The following CCDC187 variants were observed in gnomAD, a reference collection of about 807,000 sequenced individuals.
The protein encoded by CCDC187 is coiled-coil domain-containing protein 187.
CCDC187 carries 32 observed loss-of-function variants against 38.0 expected under a neutral mutation model. The observed-to-expected ratio is 0.84, with a 90% CI of 0.64 to 1.13. The LOEUF (loss-of-function observed/expected upper bound fraction) is 1.13. Ranked by LOEUF, CCDC187 falls within the 50% of genes most tolerant of loss-of-function variation. The pLI is 0.00. For missense variants in CCDC187, 707 were observed against 786.8 expected (o/e 0.90, Z 1.21); for synonymous variants, 333 against 347.9 (o/e 0.96, Z 0.48).
rs1554759595 is a variant in CCDC187 at position 136,252,240 on chromosome 9, CCCGGGA to C, written c.*1348_*1353del. On this transcript the variant is annotated 3_prime_UTR_variant, in exon 26 of 26. Transcript: ENST00000638797. The stretch of plus-strand genomic sequence containing the variant: ...AGAGCCGGCCGCCCACCCAGTCCAC[CCCGGGA>C]AGGTCCAGGCGACCGTCCTGCGGAG... The C allele has an allele frequency of 7.3e-6, 1 of 137,680 alleles. No homozygotes were observed. Among genetic ancestry groups the C allele is most frequent in the African/African-American group, 2.8e-5 (1 of 36,346 alleles). The allele number at this position is 137,680 out of a possible 1,614,324, so 8.5% of individuals were successfully genotyped here. A position where few individuals can be genotyped will look rare whatever the true frequency, so the allele number is the denominator to read the frequency against.
Position 136,254,892 on chromosome 9 carries a change from A to T in CCDC187, c.4936T>A (p.Ser1646Thr). 2.0e-6 allele frequency: 2 copies of T among 985,484 alleles called. No individual in the cohort carries two copies. The highest frequency in any genetic ancestry group is 2.4e-6 in the Non-Finnish European group (2 of 829,962). 61.0% of individuals were successfully genotyped at this position (985,484 alleles called of 1,614,324 possible). A position where few individuals can be genotyped will look rare whatever the true frequency, so the allele number is the denominator to read the frequency against. ...GCTTCCAAGCTGGGAAGAGAGCTGG[A>T]GCTCCCAGAAAGCTGGATCAGGGTA... ...AATLIQLSGSSSSLPSLEAED... is the reference protein window; with the variant it reads ...AATLIQLSGSTSSLPSLEAED... Residue 1646 changes from serine (S) to threonine (T), a missense_variant, in exon 26 of 26, where the codon TCC becomes ACC. By Grantham distance (58) the Ser-to-Thr change is moderately conservative. Coordinates refer to ENST00000638797, the MANE Select transcript of CCDC187 (RefSeq NM_001378188.1).
chr9:136,292,710 G>A (rs1295760319), intron 4 of CCDC187, among the ~76,000 whole-genome samples: 8 of 152,264 alleles, frequency 5.3e-5, no homozygotes, highest in Admixed American at 2.0e-4. Flanking sequence ...CCCACCCTCC[G>A]CTCCGTGCTG....
At chr9:136,259,304 G>C in intron 21 of CCDC187, 59 bp downstream of exon 21, 2 of 711,144 alleles carry the variant, frequency 2.8e-6, no homozygotes, top group Non-Finnish European at 3.4e-6. Flanking sequence ...GAATGTTGGG[G>C]GGGGGTGGTC....
chr9:136,299,460 G>C (rs1224031491), intron 3 of CCDC187, among the ~76,000 whole-genome samples: 3 of 152,178 alleles, frequency 2.0e-5, no homozygotes, highest in Non-Finnish European at 2.9e-5. Flanking sequence ...CCGCTCCCAA[G>C]CTCCCCATCC....
At chr9:136,273,449 G>C (rs531425285) in intron 14 of CCDC187, among the ~76,000 whole-genome samples, 2 of 152,188 alleles carry the variant, frequency 1.3e-5, no homozygotes, top group African/African-American at 4.8e-5. Context: ...TGATAGAGGG[G>C]TGAGTTCATC....
At chr9:136,285,011 G>T (rs1831140649) in intron 9 of CCDC187, among the ~76,000 whole-genome samples, 1 of 152,084 alleles carries the variant, frequency 6.6e-6, no homozygotes, top group Non-Finnish European at 1.5e-5. Context: ...GGGCCTGGGG[G>T]CGCGGGACAG....
Position 136,252,382 on chromosome 9 carries a change from G to A in CCDC187, c.*1212C>T, listed in dbSNP as rs1269307326. The stretch of plus-strand genomic sequence containing the variant: ...CCGGCCGCCCACCCCGTCCACCAGG[G>A]GAAGGTCCAGGCAACCGTCCCGCAC... On this transcript the variant is annotated 3_prime_UTR_variant, in exon 26 of 26. Transcript: ENST00000638797. 1 of 190,656 alleles carries A rather than the reference G, an allele frequency of 5.2e-6. No homozygotes were observed. The highest frequency in any genetic ancestry group is 1.1e-5 in the Non-Finnish European group (1 of 90,766). 11.8% of individuals were successfully genotyped at this position (190,656 alleles called of 1,614,324 possible).
Position 136,264,910 on chromosome 9 carries a change from C to T in CCDC187, c.3735+1046G>A, listed in dbSNP as rs1395865022. Among the ~76,000 whole-genome samples the T allele has an allele frequency of 6.6e-6, 1 of 152,154 alleles. No individual in the cohort carries two copies. The highest frequency in any genetic ancestry group is 6.5e-5 in the Admixed American group (1 of 15,282). ...AGCTGGGACTATAGGCATTGGCCAC[C>T]TATAGTGGCAGATTTATTTTTTGTA... is the stretch of plus-strand genomic sequence containing the variant. On this transcript the variant is annotated intron_variant, in intron 17 of 25. Transcript: ENST00000638797. The surrounding 1 kb of genome is among the most constrained non-coding windows in gnomAD (Gnocchi z 4.3).
At chr9:136,294,796 C>A (rs1239070497) in intron 4 of CCDC187, among the ~76,000 whole-genome samples, 1 of 152,302 alleles carries the variant, frequency 6.6e-6, no homozygotes, top group East Asian at 1.9e-4. Flanking sequence ...AGGACAGGAC[C>A]CCAGGCCATG....
At chr9:136,298,099 C>T (rs1336262839) in intron 3 of CCDC187, among the ~76,000 whole-genome samples, 4 of 152,242 alleles carry the variant, frequency 2.6e-5, no homozygotes, top group Non-Finnish European at 4.4e-5. Flanking sequence ...AATTCCCTCC[C>T]GAGTGTCTGG....
At chr9:136,289,299 C>T (rs944124723) in intron 7 of CCDC187, among the ~76,000 whole-genome samples, 14 of 152,174 alleles carry the variant, frequency 9.2e-5, no homozygotes, top group Admixed American at 9.2e-4. Flanking sequence ...AGGTGGATCA[C>T]CTGAGGTTGG....
Position 136,291,182 on chromosome 9 carries a change from C to T in CCDC187, c.1431G>A (p.Glu477=), listed in dbSNP as rs1831319567. The T allele has an allele frequency of 2.5e-6, 1 of 398,580 alleles. No individual in the cohort carries two copies. Among genetic ancestry groups the T allele is most frequent in the African/African-American group, 2.1e-5 (1 of 48,636 alleles). The allele number at this position is 398,580 out of a possible 1,614,324, so 24.7% of individuals were successfully genotyped here. ...QGQDRSFQRP[E]SPHERLGHFS... is the part of the protein sequence containing the mutation. ...AGTGGCCCAACCTCTCATGGGGACT[C>T]TCCGGCCTCTGGAAGGAGCGGTCCT... Residue 477 remains glutamate, a synonymous_variant, in exon 6 of 26, where the codon GAG becomes GAA. Coordinates refer to ENST00000638797, the MANE Select transcript of CCDC187 (RefSeq NM_001378188.1).
At position 136,255,101 on chromosome 9, in the gene CCDC187, G is replaced by A; in HGVS notation, c.4727C>T (p.Pro1576Leu). ...APVVPEEAAP[P>L]ILHQGSPLLP... ...AAGGGGACTGCCCTGGTGCAGGATTGGGGGCGCCGCCTCCTCAGGGACCAC... is the reference window on the plus strand; with the variant it reads ...AAGGGGACTGCCCTGGTGCAGGATTAGGGGCGCCGCCTCCTCAGGGACCAC... Residue 1576 changes from proline (P) to leucine (L), a missense_variant, in exon 26 of 26, where the codon CCA (proline) becomes CTA (leucine). Transcript: ENST00000638797. The A allele has an allele frequency of 2.0e-6, 2 of 985,090 alleles. No homozygotes were observed. The highest frequency in any genetic ancestry group is 2.4e-6 in the Non-Finnish European group (2 of 829,618). The allele number at this position is 985,090 out of a possible 1,614,324, so 61.0% of individuals were successfully genotyped here.
At chr9:136,295,169 G>T (rs1446358527) in intron 4 of CCDC187, among the ~76,000 whole-genome samples, 1 of 152,234 alleles carries the variant, frequency 6.6e-6, no homozygotes, top group Non-Finnish European at 1.5e-5. Context: ...TGGGTTTCGG[G>T]GGGGACCCAG....
chr9:136,254,784 A>C lies in CCDC187; in HGVS notation c.5044T>G (p.Ser1682Ala). 3.0e-6 allele frequency: 3 copies of C among 985,544 alleles called. No homozygotes were observed. The highest frequency in any genetic ancestry group is 3.6e-6 in the Non-Finnish European group (3 of 830,000). The allele number at this position is 985,544 out of a possible 1,614,324, so 61.0% of individuals were successfully genotyped here. A position where few individuals can be genotyped will look rare whatever the true frequency, so the allele number is the denominator to read the frequency against. Residue 1682 changes from serine to alanine, a missense_variant, in exon 26 of 26, where the codon TCC (serine) becomes GCC (alanine). By Grantham distance (99) the Ser-to-Ala change is moderately conservative. Transcript: ENST00000638797. Reference protein sequence around the residue: ...HSSGEAGLPLSWRSNQGEPRP... With the variant: ...HSSGEAGLPLAWRSNQGEPRP... ...GGCTCACCCTGGTTTGACCGCCAGG[A>C]CAAAGGCAGGCCAGCTTCCCCCGAG...
At chr9:136,281,748 G>A in intron 9 of CCDC187, 85 bp from the exon 10 acceptor site, 1 of 398,060 alleles carries the variant, frequency 2.5e-6, no homozygotes, top group Non-Finnish European at 4.4e-6. Context: ...GCCCCTCATT[G>A]AGCAGGAACC....
intron 3 of CCDC187, among the ~76,000 whole-genome samples, 200 bp from the exon 4 acceptor site, chr9:136,298,021 C>T (rs1440232946): frequency 1.3e-5 from 2 of 152,206 alleles, no homozygotes; most frequent in Non-Finnish European, 1.5e-5. Context: ...CTGTCACGTC[C>T]CCTGCAGTGC....
chr9:136,255,789 C>G, intron 24 of CCDC187, 56 bp from the exon 25 acceptor site: 1 of 898,740 alleles, frequency 1.1e-6, no homozygotes, highest in Non-Finnish European at 1.3e-6. Flanking sequence ...TGGCCTCTTC[C>G]CCAGGGCCCA....
Position 136,264,014 on chromosome 9 carries a change from CGGCAGGAGGGA to C in CCDC187, c.3736-227_3736-217del, listed in dbSNP as rs1830711236. ...GCTTGGTGGAGGAGGCAGCTGCGGG[CGGCAGGAGGGA>C]GGCAGGTACTCTTTCCCCAGGGCCC... On this transcript the variant is annotated intron_variant, in intron 17 of 25. Transcript: ENST00000638797. The surrounding 1 kb of genome is among the most constrained non-coding windows in gnomAD (Gnocchi z 4.3). 1 of 165,854 alleles carries C rather than the reference CGGCAGGAGGGA, an allele frequency of 6.0e-6. No individual in the cohort carries two copies. The highest frequency in any genetic ancestry group is 1.2e-5 in the Non-Finnish European group (1 of 80,612). 10.3% of individuals were successfully genotyped at this position (165,854 alleles called of 1,614,324 possible).
Sources: gnomAD v4.1 joint callset for allele counts (sites outside exome capture counted in the v4.1 genomes callset) on GRCh38, gnomAD v4.1.1 for gene constraint, Gnocchi (gnomAD v3.1) non-coding constraint, MANE v1.5 for transcripts, NCBI Gene and HGNC (gene_info 2026-07-23, HGNC 2026-07-21) for gene names.